Variants in FCHO2 observed in about 807,000 individuals in gnomAD.
The protein encoded by FCHO2 is F-BAR domain only protein 2.
FCHO2 carries 43 observed loss-of-function variants against 114.1 expected under a neutral mutation model. The ratio of observed to expected loss-of-function variants is 0.38; its 90% CI spans 0.30 to 0.49. FCHO2 has a LOEUF of 0.49. Ranked by LOEUF, FCHO2 falls within the 20% of genes least tolerant of loss-of-function variation. FCHO2 has a pLI of 0.97. For missense variants in FCHO2, 807 were observed against 950.4 expected (o/e 0.85, Z 1.98); for synonymous variants, 293 against 315.2 (o/e 0.93, Z 0.75).
At chr5:72,974,745 T>G (rs901614072) in intron 2 of FCHO2, among the ~76,000 whole-genome samples, 6 of 152,134 alleles carry the variant, frequency 3.9e-5, no homozygotes, top group African/African-American at 1.4e-4. Context: ...ATCCTGTCAT[T>G]ATGATGTTAG....
intron 2 of FCHO2, among the ~76,000 whole-genome samples, chr5:72,980,934 C>T (rs1268180867): frequency 6.6e-6 from 1 of 151,972 alleles, no homozygotes; most frequent in Non-Finnish European, 1.5e-5. Flanking sequence ...GGGCATTTAG[C>T]CTGTTTACAT....
intron 5 of FCHO2, among the ~76,000 whole-genome samples, chr5:73,002,231 C>G (rs572373834): frequency 6.6e-6 from 1 of 152,238 alleles, no homozygotes; most frequent in East Asian, 1.9e-4. Context: ...TTTTATCCCT[C>G]TTGACTCAGT....
At chr5:73,056,166 G>A (rs2112846443) in intron 16 of FCHO2, 59 bp downstream of exon 16, 1 of 1,299,818 alleles carries the variant, frequency 7.7e-7, no homozygotes, top group East Asian at 2.6e-5. Flanking sequence ...AGCAGTGTTT[G>A]ATTTATGGCA....
At chr5:72,996,201 C>T (rs1207660058) in intron 5 of FCHO2, among the ~76,000 whole-genome samples, 1 of 146,462 alleles carries the variant, frequency 6.8e-6, no homozygotes, top group Non-Finnish European at 1.5e-5. Flanking sequence ...CAAGATCGCA[C>T]CACTGCAGTC....
chr5:72,978,908 C>T (rs1753029006), intron 2 of FCHO2, among the ~76,000 whole-genome samples: 1 of 152,142 alleles, frequency 6.6e-6, no homozygotes, highest in South Asian at 2.1e-4. Context: ...TGATGGATTA[C>T]ATTTATTGAT....
chr5:73,053,695 C>CAAA (rs370427186), intron 13 of FCHO2, among the ~76,000 whole-genome samples: 2 of 98,130 alleles, frequency 2.0e-5, no homozygotes, highest in Non-Finnish European at 4.2e-5. Flanking sequence ...GACTTCGTCT[C>CAAA]AAAAAAAAAA....
chr5:72,972,587 T>C (rs1580013520), intron 2 of FCHO2, among the ~76,000 whole-genome samples: 1 of 152,180 alleles, frequency 6.6e-6, no homozygotes, highest in Non-Finnish European at 1.5e-5. Flanking sequence ...CTTATCAGCT[T>C]GAGGAGATTT....
rs762941680 is a variant in FCHO2 at position 72,990,810 on chromosome 5, TGTA to T, written c.443_445del (p.Val148del). On this transcript the variant is annotated inframe_deletion, in exon 5 of 26. Coordinates refer to ENST00000430046, the MANE Select transcript of FCHO2 (RefSeq NM_138782.3). ...CCAAGGAAAATTACAATGCCAAGTG[TGTA>T]GAACAGGAGCGTTTGAAAAAGGAAG... 3 of 1,552,320 alleles carry T rather than the reference TGTA, an allele frequency of 1.9e-6. No homozygotes were observed. The African/African-American group carries it at 4.1e-5, about 21-fold the overall frequency.
At chr5:72,956,864 G>A (rs1378989160) in intron 1 of FCHO2, among the ~76,000 whole-genome samples, 4 of 151,628 alleles carry the variant, frequency 2.6e-5, no homozygotes, top group Non-Finnish European at 4.4e-5. Context: ...GAATTTCTCC[G>A]GCTCCCGGTG....
intron 1 of FCHO2, among the ~76,000 whole-genome samples, chr5:72,961,145 T>A (rs1316123984): frequency 3.9e-5 from 6 of 152,130 alleles, no homozygotes; most frequent in Admixed American, 1.3e-4. Context: ...TTGGATAAGC[T>A]AAGAGAATTA....
At chr5:72,966,150 G>A (rs573494425) in intron 1 of FCHO2, among the ~76,000 whole-genome samples, 4 of 152,216 alleles carry the variant, frequency 2.6e-5, no homozygotes, top group Admixed American at 6.5e-5. Context: ...GCCAAGGTGG[G>A]AGGATTGCTT....
intron 8 of FCHO2, chr5:73,020,823 G>T: frequency 1.1e-6 from 1 of 905,682 alleles, no homozygotes; most frequent in Non-Finnish European, 1.9e-6. Flanking sequence ...TGTCTGCGAT[G>T]CTGCCGAGCT....
chr5:73,083,982 A>G, intron 24 of FCHO2, among the ~76,000 whole-genome samples: 1 of 151,552 alleles, frequency 6.6e-6, no homozygotes. Context: ...AAAGCTAACT[A>G]TCAGCAGCAT....
At chr5:73,072,623 A>G (rs1742711755) in intron 19 of FCHO2, among the ~76,000 whole-genome samples, 1 of 152,086 alleles carries the variant, frequency 6.6e-6, no homozygotes, top group African/African-American at 2.4e-5. Flanking sequence ...TGAACCTTGA[A>G]GACATTGTGC....
rs1438631350 is a variant in FCHO2, at chr5:73,089,638, C to T, written c.*1548C>T. On this transcript the variant is annotated 3_prime_UTR_variant, in exon 26 of 26. Transcript: ENST00000430046. The stretch of plus-strand genomic sequence containing the variant: ...CATTTATAATAATAAATATGAGTGT[C>T]CTTTATTTGCCTAGTAGAAGTGATA... 6.6e-6 allele frequency: 1 copy of T among 152,384 alleles called. No homozygotes were observed. Among genetic ancestry groups the T allele is most frequent in the East Asian group, 1.9e-4 (1 of 5,190 alleles). 9.4% of individuals were successfully genotyped at this position (152,384 alleles called of 1,614,324 possible). A position where few individuals can be genotyped will look rare whatever the true frequency, so the allele number is the denominator to read the frequency against.
chr5:72,957,454 C>T (rs889111152), intron 1 of FCHO2, among the ~76,000 whole-genome samples: 5 of 152,194 alleles, frequency 3.3e-5, no homozygotes, highest in African/African-American at 1.2e-4. Flanking sequence ...CTGGACATAT[C>T]CTATAAATGG....
chr5:72,979,382 T>C (rs1420703829), intron 2 of FCHO2, among the ~76,000 whole-genome samples: 4 of 102,476 alleles, frequency 3.9e-5, no homozygotes, highest in Admixed American at 1.0e-4. Flanking sequence ...CAATTTCTTT[T>C]TTTTTTTTTT....
chr5:73,087,748 C>A lies in FCHO2; in HGVS notation c.2405C>A (p.Ala802Asp). The A allele has an allele frequency of 6.4e-7, 1 of 1,573,786 alleles. No individual in the cohort carries two copies. The highest frequency in any genetic ancestry group is 8.6e-7 in the Non-Finnish European group (1 of 1,163,462). The change falls in exon 25 of 26, where the codon GCT becomes GAT. Residue 802 changes from alanine to aspartate, a missense_variant. By Grantham distance (126) the Ala-to-Asp change is moderately radical. Coordinates refer to ENST00000430046, the MANE Select transcript of FCHO2 (RefSeq NM_138782.3). Reference sequence around the variant, plus strand: ...CTTTCCTTAATAAAGAAGCGGTTTGCTACTGGTAAGTTAGGAGATTTCAAA... The same window carrying A: ...CTTTCCTTAATAAAGAAGCGGTTTGATACTGGTAAGTTAGGAGATTTCAAA... ...YRLSLIKKRF[A>D]TGRYLADC
At chr5:73,022,697 C>T (rs1755694531) in intron 8 of FCHO2, among the ~76,000 whole-genome samples, 3 of 152,142 alleles carry the variant, frequency 2.0e-5, no homozygotes, top group Non-Finnish European at 1.5e-5. Context: ...TTTTTGTTTG[C>T]GAATGTCAGA....
Sources: gnomAD v4.1 joint callset for allele counts (sites outside exome capture counted in the v4.1 genomes callset) on GRCh38, gnomAD v4.1.1 for gene constraint, MANE v1.5 for transcripts, NCBI Gene and HGNC (gene_info 2026-07-23, HGNC 2026-07-21) for gene names.